NEDD4L: variants seen among roughly 807,000 people sequenced by gnomAD.
The protein encoded by NEDD4L is E3 ubiquitin-protein ligase NEDD4-like.
NEDD4L carries 54 observed loss-of-function variants against 148.9 expected under a neutral mutation model. That is an observed-to-expected ratio of 0.36 (90% CI 0.29 to 0.45). The LOEUF is 0.45. Among genes scored for constraint, NEDD4L ranks in the 20% least tolerant of loss-of-function variants. The probability of loss-of-function intolerance (pLI) is 1.00; values close to 1 mark genes in which losing one functional copy is unlikely to be tolerated. For synonymous variants in NEDD4L, 433 were observed against 440.7 expected (o/e 0.98, Z 0.22); for missense variants, 856 against 1,233.8 (o/e 0.69, Z 4.59).
intron 1 of NEDD4L, among the ~76,000 whole-genome samples, chr18:58,080,283 A>C (rs2032888918): frequency 6.6e-6 from 1 of 152,242 alleles, no homozygotes; most frequent in Admixed American, 6.5e-5. Context: ...TGGCTCCGGC[A>C]TATGCACAGC....
At position 58,401,539 on chromosome 18, in the gene NEDD4L, A is replaced by G. The variant is rs1216742449; in HGVS notation, c.*5270A>G. 6.6e-6 allele frequency: 1 copy of G among 152,254 alleles called. No individual in the cohort carries two copies. The highest frequency in any genetic ancestry group is 2.4e-5 in the African/African-American group (1 of 41,476). The allele number at this position is 152,254 out of a possible 1,614,324, so 9.4% of individuals were successfully genotyped here. ...AATTATGGAAGCTGGAACATTTTCT[A>G]CATCAAGTGTTATGGGTTGTTTGAT... On this transcript the variant is annotated 3_prime_UTR_variant, in exon 31 of 31. Transcript: ENST00000400345.
chr18:58,352,528 G>A (rs2044034577), intron 18 of NEDD4L, among the ~76,000 whole-genome samples: 1 of 151,982 alleles, frequency 6.6e-6, no homozygotes, highest in Non-Finnish European at 1.5e-5. Context: ...GTGTGGTGGC[G>A]TGCACCTGCA....
intron 2 of NEDD4L, among the ~76,000 whole-genome samples, chr18:58,168,106 A>G (rs2037101183): frequency 6.6e-6 from 1 of 152,218 alleles, no homozygotes. Context: ...CGTGATATTA[A>G]TTAGAAAGAT....
intron 24 of NEDD4L, among the ~76,000 whole-genome samples, chr18:58,378,132 G>A (rs2047815340): frequency 6.6e-6 from 1 of 152,164 alleles, no homozygotes; most frequent in South Asian, 2.1e-4. Context: ...CATATAGGAA[G>A]GTTCTTTAGG....
In NEDD4L at chr18:58,389,025, C is replaced by T; in HGVS notation, c.2548-60C>T. 3.7e-6 allele frequency: 5 copies of T among 1,368,744 alleles called. No homozygotes were observed. The South Asian group carries it at 4.8e-5, about 13-fold the overall frequency. 84.8% of individuals were successfully genotyped at this position (1,368,744 alleles called of 1,614,324 possible). Reference sequence around the variant, plus strand: ...GCTGGCACTGAGGGTGGTCATTTCTCAGTGTGTGATCTCGCACCTTTCACA... The same window carrying T: ...GCTGGCACTGAGGGTGGTCATTTCTTAGTGTGTGATCTCGCACCTTTCACA... On this transcript the variant is annotated intron_variant, in intron 27 of 30. Transcript: ENST00000400345.
At chr18:58,084,108 T>C (rs1399186793) in intron 1 of NEDD4L, among the ~76,000 whole-genome samples, 1 of 152,142 alleles carries the variant, frequency 6.6e-6, no homozygotes, top group Non-Finnish European at 1.5e-5. Flanking sequence ...TGGAAAACAT[T>C]ATGGGAACTG....
intron 5 of NEDD4L, among the ~76,000 whole-genome samples, chr18:58,308,467 A>G (rs917375182): frequency 2.0e-5 from 3 of 152,254 alleles, no homozygotes; most frequent in African/African-American, 7.2e-5. Flanking sequence ...CAGAACCTGT[A>G]AGCATGACAA....
At chr18:58,205,487 G>GAT (rs1568384033) in intron 2 of NEDD4L, among the ~76,000 whole-genome samples, 2 of 151,310 alleles carry the variant, frequency 1.3e-5, no homozygotes, top group Non-Finnish European at 2.9e-5. Context: ...TGACTAGAGG[G>GAT]GTGTGTGTGT....
chr18:58,333,143 T>TGG (rs1006520747), intron 11 of NEDD4L, among the ~76,000 whole-genome samples: 2 of 151,692 alleles, frequency 1.3e-5, no homozygotes, highest in African/African-American at 2.4e-5. Flanking sequence ...CCAAGTGTGG[T>TGG]GGGGGGGGCT....
intron 1 of NEDD4L, among the ~76,000 whole-genome samples, chr18:58,081,933 A>G (rs563676479): frequency 6.6e-6 from 1 of 151,634 alleles, no homozygotes; most frequent in African/African-American, 2.4e-5. Context: ...ATAATCTCTC[A>G]TTGTGTGTGA....
At chr18:58,389,008 T>C in intron 27 of NEDD4L, 77 bp from the exon 28 acceptor site, 1 of 1,153,306 alleles carries the variant, frequency 8.7e-7, no homozygotes, top group African/African-American at 1.5e-5. Flanking sequence ...ATGCTGGCAC[T>C]GAGGGTGGTC....
chr18:58,357,454 TA>T (rs1255567289), intron 19 of NEDD4L: 8 of 700,764 alleles, frequency 1.1e-5, no homozygotes, highest in African/African-American at 8.7e-5. Flanking sequence ...TGGATTTCAT[TA>T]TAAAGGAAAA....
chr18:58,236,068 G>C (rs1329183049), intron 2 of NEDD4L, among the ~76,000 whole-genome samples: 1 of 151,490 alleles, frequency 6.6e-6, no homozygotes, highest in East Asian at 1.9e-4. Context: ...AATAAACATA[G>C]GTCTTTGGCC....
At chr18:58,345,923 GTTTTTTGTTT>G (rs2042991604) in intron 16 of NEDD4L, among the ~76,000 whole-genome samples, 1 of 135,992 alleles carries the variant, frequency 7.4e-6, no homozygotes. Flanking sequence ...GTTGTTTTTT[GTTTTTTGTTT>G]TTTTTAGCAC....
chr18:58,055,862 C>T (rs1052785752), intron 1 of NEDD4L, among the ~76,000 whole-genome samples: 3 of 152,160 alleles, frequency 2.0e-5, no homozygotes, highest in African/African-American at 7.2e-5. Flanking sequence ...TTTGTGTGTG[C>T]TATGGAAATT....
In NEDD4L at chr18:58,103,078, G is replaced by A. The variant is rs139231702; in HGVS notation, c.48+58370G>A. ...ATGGACACAGTGAGCATTTGGTGTC[G>A]ATACTCCCAGAATGAACTGAGTAGA... is the stretch of plus-strand genomic sequence containing the variant. On this transcript the variant is annotated intron_variant, in intron 1 of 30. Coordinates refer to ENST00000400345, the MANE Select transcript of NEDD4L (RefSeq NM_001144967.3). Among the ~76,000 whole-genome samples the A allele has an allele frequency of 4.7e-4, 72 of 151,892 alleles. No individual in the cohort carries two copies. In the East Asian group the frequency reaches 0.011, roughly 23 times the overall value.
At chr18:58,280,902 CTT>C (rs1289524660) in intron 5 of NEDD4L, among the ~76,000 whole-genome samples, 1 of 152,136 alleles carries the variant, frequency 6.6e-6, no homozygotes. Flanking sequence ...AACAAAATGA[CTT>C]ATTTCATAAT....
chr18:58,097,144 G>C (rs1472725631), intron 1 of NEDD4L, among the ~76,000 whole-genome samples: 1 of 152,138 alleles, frequency 6.6e-6, no homozygotes, highest in African/African-American at 2.4e-5. Context: ...TGTTTTGTTC[G>C]CAAGACTTAT....
intron 2 of NEDD4L, among the ~76,000 whole-genome samples, chr18:58,238,486 C>T (rs780671919): frequency 3.3e-5 from 5 of 152,066 alleles, no homozygotes; most frequent in African/African-American, 4.8e-5. Context: ...ATAAACCATT[C>T]GTAAACATCA....
Sources: allele counts gnomAD v4.1 joint callset (sites outside exome capture counted in the v4.1 genomes callset), GRCh38; gene constraint gnomAD v4.1.1; transcripts MANE v1.5; gene names NCBI Gene and HGNC (gene_info 2026-07-23, HGNC 2026-07-21).